Variants in MDN1 observed in about 807,000 individuals in gnomAD.
The protein encoded by MDN1 is midasin AAA ATPase 1.
In MDN1, 266 loss-of-function variants were observed where a neutral mutation model predicts 669.2. That is an observed-to-expected ratio of 0.40 (90% CI 0.36 to 0.44). The LOEUF is 0.44. Ranked by LOEUF, MDN1 falls within the 20% of genes least tolerant of loss-of-function variation. The pLI, the probability that MDN1 is intolerant of heterozygous loss-of-function variation, is 1.00. For synonymous variants in MDN1, 2,385 were observed against 2,457.1 expected (o/e 0.97, Z 0.87); for missense variants, 5,940 against 6,754.0 (o/e 0.88, Z 4.22).
intron 1 of MDN1, among the ~76,000 whole-genome samples, chr6:89,813,651 A>G (rs2128332308): frequency 1.3e-5 from 2 of 152,076 alleles, no homozygotes; most frequent in Middle Eastern, 3.4e-3. Context: ...GGACCATTTG[A>G]GCCCAGGAGG....
rs150002766 is a variant in MDN1, at chr6:89,671,104, G to T, written c.13795-24C>A. On this transcript the variant is annotated intron_variant, in intron 82 of 101. Transcript: ENST00000369393. ...AACTGAGACCAAAACAAAACAAAAGGCCTGCTCACACTGCTTGGCAGGTAC... is the reference window on the plus strand; with the variant it reads ...AACTGAGACCAAAACAAAACAAAAGTCCTGCTCACACTGCTTGGCAGGTAC... 1.3e-5 allele frequency: 21 copies of T among 1,608,550 alleles called. No homozygotes were observed. In the African/African-American group the frequency reaches 1.3e-4, roughly 10 times the overall value.
chr6:89,700,344 G>T (rs777906074), intron 56 of MDN1, 50 bp from the exon 57 acceptor site: 4 of 1,431,720 alleles, frequency 2.8e-6, no homozygotes, highest in Non-Finnish European at 2.9e-6. Context: ...TAAGAGTATA[G>T]CCTCTAGATT....
intron 26 of MDN1, 64 bp downstream of exon 26, chr6:89,749,159 C>A (rs2128318570): frequency 7.0e-7 from 1 of 1,426,948 alleles, no homozygotes; most frequent in South Asian, 1.5e-5. Flanking sequence ...TTTTTTCTAA[C>A]AAAAGAAGCC....
rs140078637 is a variant in MDN1, at chr6:89,819,598, A to G, written c.10T>C (p.Phe4Leu). The change falls in exon 1 of 102, where the codon TTC (phenylalanine) becomes CTC (leucine). Residue 4 changes from phenylalanine (F) to leucine (L), a missense_variant. Physicochemically the swap from Phe to Leu is conservative, Grantham distance 22. This residue lies in a region of MDN1 where 1,203 missense variants were observed against 1,268.9 expected (regional missense o/e 0.95). Transcript: ENST00000369393. MEH[F>L]LLEVAAAPLR... ...GGCGCGGCTGCCACCTCCAGCAAGA[A>G]GTGCTCCATGACCCAGGGCCCTCAC... 13 of 1,601,482 alleles carry G rather than the reference A, an allele frequency of 8.1e-6. No individual in the cohort carries two copies. The highest frequency in any genetic ancestry group is 8.0e-5 in the African/African-American group (6 of 75,056).
intron 35 of MDN1, among the ~76,000 whole-genome samples, chr6:89,729,770 C>T (rs574556905): frequency 1.3e-5 from 2 of 149,344 alleles, no homozygotes; most frequent in Non-Finnish European, 3.0e-5. Context: ...AAGCAAGGAC[C>T]ACCCCAGTTC....
intron 99 of MDN1, among the ~76,000 whole-genome samples, chr6:89,647,468 G>A (rs1301593066): frequency 6.6e-6 from 1 of 152,150 alleles, no homozygotes; most frequent in Non-Finnish European, 1.5e-5. Flanking sequence ...TGGGAGATGG[G>A]TTTGTTTTTG....
At chr6:89,793,388 A>G (rs1381405439) in intron 5 of MDN1, among the ~76,000 whole-genome samples, 1 of 152,182 alleles carries the variant, frequency 6.6e-6, no homozygotes, top group Non-Finnish European at 1.5e-5. Flanking sequence ...TAAAGGCATC[A>G]CACAGGAACC....
chr6:89,661,214 C>A (rs1307314984), intron 88 of MDN1, among the ~76,000 whole-genome samples: 1 of 152,164 alleles, frequency 6.6e-6, no homozygotes, highest in Admixed American at 6.5e-5. Flanking sequence ...TAGGACATGA[C>A]AGTAGTTTGA....
At chr6:89,665,696 G>C (rs777125576) in intron 84 of MDN1, among the ~76,000 whole-genome samples, 17 of 95,370 alleles carry the variant, frequency 1.8e-4, no homozygotes, top group Non-Finnish European at 3.2e-4. Context: ...GACAGAGCAA[G>C]ACTCCGTTTC....
At chr6:89,661,032 C>T (rs1365183323) in intron 88 of MDN1, among the ~76,000 whole-genome samples, 1 of 152,232 alleles carries the variant, frequency 6.6e-6, no homozygotes, top group African/African-American at 2.4e-5. Context: ...CAATCAATAA[C>T]TGAAACCATC....
Position 89,676,179 on chromosome 6 carries a change from C to A in MDN1, c.12568G>T (p.Asp4190Tyr). 2 of 1,614,212 alleles carry A rather than the reference C, an allele frequency of 1.2e-6. No individual in the cohort carries two copies. The highest frequency in any genetic ancestry group is 1.7e-6 in the Non-Finnish European group (2 of 1,180,032). ...RLLTEISSSW[D>Y]GCQKYFYRSL... ...CGATAAAAATACTTCTGGCATCCAT[C>A]CCATGAAGACGAGATTTCTGTAAGC... The change falls in exon 77 of 102, where the codon GAT becomes TAT. Residue 4190 changes from aspartate (D) to tyrosine (Y), a missense_variant. Asp to Tyr is a radical substitution (Grantham distance 160). Transcript: ENST00000369393.
chr6:89,727,897 A>G lies in MDN1; in HGVS notation c.5408T>C (p.Phe1803Ser), dbSNP rs777785208. 1.2e-6 allele frequency: 2 copies of G among 1,614,006 alleles called. No individual in the cohort carries two copies. The highest frequency in any genetic ancestry group is 1.7e-6 in the Non-Finnish European group (2 of 1,179,940). Reference sequence around the variant, plus strand: ...CAGTAAGGGGCCATCACGCCAGGCAAACTCTCCTCCCTTGCCACCTTCAAC... The same window carrying G: ...CAGTAAGGGGCCATCACGCCAGGCAGACTCTCCTCCCTTGCCACCTTCAAC... The part of the protein sequence containing the change: ...LPVEGGKGGE[F>S]AWRDGPLLAA... Residue 1803 changes from phenylalanine to serine, a missense_variant, in exon 37 of 102, where the codon TTT (phenylalanine) becomes TCT (serine). This residue lies in a region of MDN1 where 2,292 missense variants were observed against 2,638.3 expected (regional missense o/e 0.87). Transcript: ENST00000369393.
At chr6:89,760,952 AG>A (rs1053423041) in intron 17 of MDN1, among the ~76,000 whole-genome samples, 10 of 152,178 alleles carry the variant, frequency 6.6e-5, no homozygotes, top group African/African-American at 2.2e-4. Flanking sequence ...CGAGGTCAGG[AG>A]ATCAAGATCA....
intron 26 of MDN1, among the ~76,000 whole-genome samples, chr6:89,748,520 C>T (rs1303190612): frequency 6.6e-6 from 1 of 152,066 alleles, no homozygotes; most frequent in Non-Finnish European, 1.5e-5. Context: ...TGTAGCTTTG[C>T]AGTTGACTAG....
intron 84 of MDN1, among the ~76,000 whole-genome samples, chr6:89,665,458 C>T (rs112276375): frequency 0.11 from 16,678 of 152,050 alleles, 1,026 homozygotes; most frequent in South Asian, 0.16. Context: ...CCTGTAATCC[C>T]AGCACTTTGG....
chr6:89,675,385 C>A (rs749194930), intron 78 of MDN1, 79 bp downstream of exon 78: 131 of 1,191,694 alleles, frequency 1.1e-4, no homozygotes, highest in Non-Finnish European at 1.5e-4. Context: ...TATTCCTCTC[C>A]CCACATGCAG....
intron 6 of MDN1, 101 bp downstream of exon 6, chr6:89,790,058 A>G: frequency 1.9e-6 from 3 of 1,590,364 alleles, no homozygotes; most frequent in Admixed American, 1.7e-5. Context: ...AGTTATAAGC[A>G]AGACCAATAA....
chr6:89,755,666 G>A (rs1053967542), intron 20 of MDN1, among the ~76,000 whole-genome samples: 2 of 152,070 alleles, frequency 1.3e-5, no homozygotes, highest in African/African-American at 2.4e-5. Flanking sequence ...ATTTCTTTCT[G>A]GAGAACACAC....
chr6:89,817,410 A>T (rs931966983), intron 1 of MDN1, among the ~76,000 whole-genome samples: 1 of 152,226 alleles, frequency 6.6e-6, no homozygotes, highest in African/African-American at 2.4e-5. Context: ...TGTATTGGAC[A>T]CTACAGCTAC....
Sources: gnomAD v4.1 joint callset for allele counts (sites outside exome capture counted in the v4.1 genomes callset) on GRCh38, gnomAD v4.1.1 for gene constraint, gnomAD v4.1.1 regional missense constraint, MANE v1.5 for transcripts, NCBI Gene and HGNC (gene_info 2026-07-23, HGNC 2026-07-21) for gene names.